ALG9: variants seen among roughly 807,000 people sequenced by gnomAD.
ALG9 encodes the protein alpha-1,2-mannosyltransferase ALG9.
ALG9 carries 55 observed loss-of-function variants against 81.8 expected under a neutral mutation model. The observed-to-expected ratio is 0.67, with a 90% CI of 0.54 to 0.84. ALG9 has a LOEUF of 0.84. ALG9 is among the 40% of genes least tolerant of loss of function. The probability of loss-of-function intolerance (pLI) is 0.00; values close to 1 mark genes in which losing one functional copy is unlikely to be tolerated. For missense variants in ALG9, 629 were observed against 745.0 expected (o/e 0.84, Z 1.81); for synonymous variants, 278 against 274.3 (o/e 1.01, Z -0.13).
At chr11:111,860,910 T>C (rs150393514) in intron 4 of ALG9, among the ~76,000 whole-genome samples, 4 of 152,234 alleles carry the variant, frequency 2.6e-5, no homozygotes, top group African/African-American at 7.2e-5. Flanking sequence ...TGAAAAATAA[T>C]AGACCTCAGA....
In ALG9 at chr11:111,860,592, G is replaced by C. The variant is rs1050204842; in HGVS notation, c.520C>G (p.Leu174Val). 2 of 1,614,050 alleles carry C rather than the reference G, an allele frequency of 1.2e-6. No homozygotes were observed. The highest frequency in any genetic ancestry group is 1.7e-5 in the Admixed American group (1 of 60,016). ...KFGLHVSRMMLAFLVLSTGMF... is the reference protein window; with the variant it reads ...KFGLHVSRMMVAFLVLSTGMF... ...CCAGTGCTGAGAACCAAGAAGGCTA[G>C]CATCATTCGACTCACGTGCAACCCA... Residue 174 changes from leucine (L) to valine (V), a missense_variant, in exon 5 of 15, where the codon CTA becomes GTA. By Grantham distance (32) the Leu-to-Val change is conservative. Coordinates refer to ENST00000616540, the MANE Select transcript of ALG9 (RefSeq NM_024740.2).
In ALG9 at chr11:111,868,742, A is replaced by C; in HGVS notation, c.271-6T>G. ...CCATAGATGAGGTAGTGTGTCTAAA[A>C]ATACAAAACAGATAGATTCAGGGTT... On this transcript the variant is annotated splice_polypyrimidine_tract_variant and splice_region_variant and intron_variant, in intron 2 of 14. Coordinates refer to ENST00000616540, the MANE Select transcript of ALG9 (RefSeq NM_024740.2). 1 of 1,603,162 alleles carries C rather than the reference A, an allele frequency of 6.2e-7. No homozygotes were observed. Among genetic ancestry groups the C allele is most frequent in the Non-Finnish European group, 8.5e-7 (1 of 1,173,602 alleles).
intron 14 of ALG9, among the ~76,000 whole-genome samples, chr11:111,790,017 G>GA (rs1200155229): frequency 1.5e-4 from 23 of 150,262 alleles, no homozygotes; most frequent in Admixed American, 8.6e-4. Flanking sequence ...GAATAAAAGA[G>GA]AAAAAAAAAG....
In ALG9 at chr11:111,811,323, A is replaced by G. The variant is rs537976121; in HGVS notation, c.1603-1550T>C. 9.9e-4 allele frequency among the ~76,000 whole-genome samples: 151 copies of G among 152,216 alleles called. 1 individual carries two copies. The highest frequency in any genetic ancestry group is 3.5e-3 in the African/African-American group (147 of 41,528). On this transcript the variant is annotated intron_variant, in intron 13 of 14. Coordinates refer to ENST00000616540, the MANE Select transcript of ALG9 (RefSeq NM_024740.2). ...TTTGGGAGGCCCAGGTGGACAGATC[A>G]CCTGAGGTCAGGAGTTCAAGATCAG...
At chr11:111,778,125 T>C (rs1193113230), downstream of ALG9, 1 of 151,904 alleles carries the variant, frequency 6.6e-6, no homozygotes, top group Non-Finnish European at 1.5e-5. Context: ...ATTCACACCT[T>C]CTTTTTTTTT....
intron 13 of ALG9, among the ~76,000 whole-genome samples, chr11:111,825,432 A>T (rs1953070138): frequency 6.6e-6 from 1 of 152,242 alleles, no homozygotes; most frequent in Non-Finnish European, 1.5e-5. Context: ...TGCTCAATTA[A>T]CTAAAATCTA....
chr11:111,798,179 G>A, intron 14 of ALG9: 1 of 304,688 alleles, frequency 3.3e-6, no homozygotes, highest in South Asian at 2.7e-5. Context: ...CTCTAGCCTG[G>A]GCAACAGAGC....
chr11:111,805,622 G>A (rs1197478767), intron 14 of ALG9, among the ~76,000 whole-genome samples: 1 of 152,234 alleles, frequency 6.6e-6, no homozygotes, highest in Non-Finnish European at 1.5e-5. Context: ...TATGAAGACA[G>A]TAAAAAGATT....
chr11:111,780,967 A>C (rs1945900566), downstream of ALG9, among the ~76,000 whole-genome samples: 1 of 152,170 alleles, frequency 6.6e-6, no homozygotes, highest in African/African-American at 2.4e-5. Flanking sequence ...GGTAATCAAG[A>C]AGGCTCAGAA....
At chr11:111,843,950 A>T (rs1408443343) in intron 9 of ALG9, among the ~76,000 whole-genome samples, 1 of 152,202 alleles carries the variant, frequency 6.6e-6, no homozygotes. Flanking sequence ...TAAGCAACCT[A>T]TCAGGTTAAT....
At chr11:111,856,283 A>C in intron 6 of ALG9, among the ~76,000 whole-genome samples, 1 of 150,842 alleles carries the variant, frequency 6.6e-6, no homozygotes, top group African/African-American at 2.4e-5. Flanking sequence ...TCTCAAAAAA[A>C]AAAAAAAAAA....
chr11:111,768,842 C>T, the ALG9 span: 7,063 of 143,076 alleles, frequency 0.049, 545 homozygotes, highest in African/African-American at 0.16. Flanking sequence ...TGTGTGTGTG[C>T]GTGTGTGTGT....
rs1946259950 is a variant in ALG9 at position 111,784,480 on chromosome 11, G to A, written c.*1917C>T. The A allele has an allele frequency of 2.0e-5, 3 of 152,258 alleles. No individual in the cohort carries two copies. Among genetic ancestry groups the A allele is most frequent in the East Asian group, 1.9e-4 (1 of 5,196 alleles). 9.4% of individuals were successfully genotyped at this position (152,258 alleles called of 1,614,324 possible). A position where few individuals can be genotyped will look rare whatever the true frequency, so the allele number is the denominator to read the frequency against. On this transcript the variant is annotated 3_prime_UTR_variant, in exon 15 of 15. Transcript: ENST00000616540. Reference sequence around the variant, plus strand: ...CGCCTGTAATACCAGCACTTTGGGAGGCTGAGGCGGGTGGATGACCTGAGG... The same window carrying A: ...CGCCTGTAATACCAGCACTTTGGGAAGCTGAGGCGGGTGGATGACCTGAGG...
intron 14 of ALG9, among the ~76,000 whole-genome samples, chr11:111,793,639 T>TAGTCC (rs1291711633): frequency 6.6e-6 from 1 of 151,664 alleles, no homozygotes; most frequent in African/African-American, 2.4e-5. Flanking sequence ...CGGGTGCCTG[T>TAGTCC]AGTCCCAGCT....
intron 14 of ALG9, among the ~76,000 whole-genome samples, chr11:111,804,024 T>C (rs1949543361): frequency 1.3e-5 from 2 of 150,896 alleles, no homozygotes; most frequent in Admixed American, 6.6e-5. Context: ...TCCCAGCTAC[T>C]CGGGAGGCTG....
At chr11:111,808,441 G>T (rs1950237343) in intron 14 of ALG9, among the ~76,000 whole-genome samples, 1 of 152,200 alleles carries the variant, frequency 6.6e-6, no homozygotes, top group Non-Finnish European at 1.5e-5. Flanking sequence ...CTTCCTGCTA[G>T]TCCAGCTCTA....
chr11:111,840,639 T>G lies in ALG9; in HGVS notation c.1173+16A>C. The G allele has an allele frequency of 6.2e-7, 1 of 1,613,880 alleles. No individual in the cohort carries two copies. Among genetic ancestry groups the G allele is most frequent in the Non-Finnish European group, 8.5e-7 (1 of 1,179,898 alleles). On this transcript the variant is annotated intron_variant, in intron 10 of 14. Coordinates refer to ENST00000616540, the MANE Select transcript of ALG9 (RefSeq NM_024740.2). Reference sequence around the variant, plus strand: ...TAAAAAAGAATGAGGCAGATACACTTCTCCCTGAAACTCACCTGAAGTGCA... The same window carrying G: ...TAAAAAAGAATGAGGCAGATACACTGCTCCCTGAAACTCACCTGAAGTGCA...
At chr11:111,812,920 A>AAAAAAAG (rs1950948311) in intron 13 of ALG9, among the ~76,000 whole-genome samples, 1 of 78,784 alleles carries the variant, frequency 1.3e-5, no homozygotes, top group South Asian at 5.6e-4. Context: ...TGTCTCAAAA[A>AAAAAAAG]AAAAAAAAAA....
At chr11:111,831,581 T>A (rs975877310) in intron 13 of ALG9, among the ~76,000 whole-genome samples, 35 of 152,292 alleles carry the variant, frequency 2.3e-4, no homozygotes, top group Middle Eastern at 3.4e-3. Context: ...AAAGAATGAT[T>A]AGCTATCACA....
Sources: gnomAD v4.1 joint callset for allele counts (sites outside exome capture counted in the v4.1 genomes callset) on GRCh38, gnomAD v4.1.1 for gene constraint, MANE v1.5 for transcripts, NCBI Gene and HGNC (gene_info 2026-07-23, HGNC 2026-07-21) for gene names.